The following LCP1 variants were observed in gnomAD, a reference collection of about 807,000 sequenced individuals.
LCP1 encodes lymphocyte cytosolic protein 1.
In LCP1, 23 loss-of-function variants were observed where a neutral mutation model predicts 72.0. The observed-to-expected ratio is 0.32, with a 90% CI of 0.23 to 0.45. LCP1 has a LOEUF of 0.45. LCP1 is among the 20% of genes least tolerant of loss of function. LCP1 has a pLI of 1.00. For synonymous variants in LCP1, 245 were observed against 275.4 expected, an observed-to-expected ratio of 0.89 and a Z score of 1.09; for missense variants, 571 against 748.3, an observed-to-expected ratio of 0.76 and a Z score of 2.76.
Position 46,152,286 on chromosome 13 carries a change from C to T in LCP1, c.739+494G>A, listed in dbSNP as rs79763101. On this transcript the variant is annotated intron_variant, in intron 7 of 15. Transcript: ENST00000323076. ...TACAGCACAATATTATTAACTATAGCCCTCGTGCTGTTTAGATCTCCACTT... is the reference window on the plus strand; with the variant it reads ...TACAGCACAATATTATTAACTATAGTCCTCGTGCTGTTTAGATCTCCACTT... Among the ~76,000 whole-genome samples the T allele has an allele frequency of 1.2e-3, 177 of 152,008 alleles. 4 individuals carry two copies. In the East Asian group the frequency reaches 0.032, roughly 27 times the overall value.
At chr13:46,159,445 T>G (rs1264863368) in intron 2 of LCP1, 154 bp downstream of exon 2, 3 of 615,058 alleles carry the variant, frequency 4.9e-6, no homozygotes, top group Non-Finnish European at 8.7e-6. Context: ...GAAGCATATT[T>G]TTCAAAAATA....
Position 46,134,163 on chromosome 13 carries a change from C to T in LCP1, c.1590G>A (p.Arg530=). ...IIVNWVNETL[R]EAKKSSSISS... is the part of the protein sequence containing the mutation. Reference sequence around the variant, plus strand: ...AGATGGATGAACTTTTCTTTGCTTCCCTCAATGTTTCATTCACCCAGTTGA... The same window carrying T: ...AGATGGATGAACTTTTCTTTGCTTCTCTCAATGTTTCATTCACCCAGTTGA... Residue 530 remains arginine, a synonymous_variant, in exon 14 of 16, where the codon AGG becomes AGA. Transcript: ENST00000323076. 1 of 1,613,562 alleles carries T rather than the reference C, an allele frequency of 6.2e-7. No homozygotes were observed. The highest frequency in any genetic ancestry group is 8.5e-7 in the Non-Finnish European group (1 of 1,179,618).
chr13:46,180,402 G>T (rs2045950772), intron 1 of LCP1, among the ~76,000 whole-genome samples: 1 of 152,094 alleles, frequency 6.6e-6, no homozygotes, highest in African/African-American at 2.4e-5. Context: ...TTCCCCAAAG[G>T]GTTCAGAGAT....
At chr13:46,177,883 A>AATG (rs146016724) in intron 1 of LCP1, among the ~76,000 whole-genome samples, 1 of 151,650 alleles carries the variant, frequency 6.6e-6, no homozygotes, top group Non-Finnish European at 1.5e-5. Flanking sequence ...TGGTGATGAT[A>AATG]ATGATGATGA....
chr13:46,174,620 G>T (rs962645023), intron 1 of LCP1, among the ~76,000 whole-genome samples: 2 of 152,104 alleles, frequency 1.3e-5, no homozygotes, highest in South Asian at 4.1e-4. Flanking sequence ...GAAGTAGGGG[G>T]ATCGCCTGAG....
intron 1 of LCP1, among the ~76,000 whole-genome samples, chr13:46,175,203 C>T (rs1275850002): frequency 2.6e-5 from 4 of 152,102 alleles, no homozygotes; most frequent in Admixed American, 2.6e-4. Context: ...GGCATGATGC[C>T]TAGTAAATAT....
intron 13 of LCP1, among the ~76,000 whole-genome samples, chr13:46,141,692 C>T (rs1473818585): frequency 6.6e-6 from 1 of 152,054 alleles, no homozygotes; most frequent in Non-Finnish European, 1.5e-5. Context: ...AAGCTGAAAT[C>T]ACTCATCACC....
intron 14 of LCP1, among the ~76,000 whole-genome samples, chr13:46,131,843 G>A (rs967883917): frequency 1.3e-5 from 2 of 152,064 alleles, no homozygotes; most frequent in African/African-American, 4.8e-5. Flanking sequence ...AATAGACATT[G>A]ATAAATACAA....
rs1308800502 is a variant in LCP1 at position 46,134,197 on chromosome 13, T to C, written c.1556A>G (p.Asp519Gly). ...EIGGGQKVND[D>G]IIVNWVNETL... ...TTCATTCACCCAGTTGACAATAATG[T>C]CATCATTGACCTTCTGGCCACCACC... The change falls in exon 14 of 16, where the codon GAC (aspartate) becomes GGC (glycine). Residue 519 changes from aspartate to glycine, a missense_variant. By Grantham distance (94) the Asp-to-Gly change is moderately conservative. Transcript: ENST00000323076. 1.2e-6 allele frequency: 2 copies of C among 1,612,206 alleles called. No individual in the cohort carries two copies. The highest frequency in any genetic ancestry group is 3.3e-5 in the Admixed American group (2 of 60,008).
intron 1 of LCP1, among the ~76,000 whole-genome samples, chr13:46,171,453 C>T (rs751758615): frequency 5.3e-5 from 8 of 152,154 alleles, no homozygotes; most frequent in East Asian, 1.9e-4. Flanking sequence ...AATGTGTCTT[C>T]GGTTTCTCAA....
At chr13:46,151,868 T>C (rs1346841508) in intron 7 of LCP1, among the ~76,000 whole-genome samples, 1 of 152,270 alleles carries the variant, frequency 6.6e-6, no homozygotes, top group Non-Finnish European at 1.5e-5. Context: ...TTTTGCATGA[T>C]ACTTATCAAG....
At position 46,152,959 on chromosome 13, in the gene LCP1, TG is replaced by T; in HGVS notation, c.574-15del. ...GTTCAGATTTTCCTGAGGGAGAAAA[TG>T]TATGCAAGTTTTTGTTCTATGACTT... On this transcript the variant is annotated splice_polypyrimidine_tract_variant and intron_variant, in intron 6 of 15. Transcript: ENST00000323076. The T allele has an allele frequency of 6.2e-7, 1 of 1,601,454 alleles. No individual in the cohort carries two copies.
At chr13:46,168,262 T>C (rs1018563563) in intron 1 of LCP1, among the ~76,000 whole-genome samples, 11 of 152,356 alleles carry the variant, frequency 7.2e-5, no homozygotes, top group African/African-American at 2.6e-4. Context: ...CAAAATTCTA[T>C]GCAGTAGCTG....
At chr13:46,146,191 G>T (rs1052107087) in intron 10 of LCP1, among the ~76,000 whole-genome samples, 2 of 152,164 alleles carry the variant, frequency 1.3e-5, no homozygotes, top group African/African-American at 4.8e-5. Flanking sequence ...GTTGGAGCAC[G>T]ATTATGCTGC....
intron 13 of LCP1, among the ~76,000 whole-genome samples, chr13:46,138,124 T>C (rs1001314619): frequency 2.6e-5 from 4 of 152,222 alleles, no homozygotes; most frequent in African/African-American, 9.7e-5. Flanking sequence ...TGCAAGTTTA[T>C]GCATATGCTG....
intron 14 of LCP1, 108 bp from the exon 15 acceptor site, chr13:46,131,046 C>G: frequency 1.7e-6 from 2 of 1,143,932 alleles, no homozygotes; most frequent in South Asian, 1.9e-5. Flanking sequence ...TATATACAGC[C>G]TGGTCTGGGA....
chr13:46,181,417 A>G (rs191872324), intron 1 of LCP1, among the ~76,000 whole-genome samples: 227 of 152,384 alleles, frequency 1.5e-3, no homozygotes, highest in African/African-American at 4.1e-3. Flanking sequence ...ATATTCATTG[A>G]TATGGTCATA....
intron 1 of LCP1, among the ~76,000 whole-genome samples, chr13:46,162,161 C>T (rs1593959095): frequency 6.6e-6 from 1 of 152,064 alleles, no homozygotes; most frequent in African/African-American, 2.4e-5. Context: ...CTCTCCCAGG[C>T]TGTCTACTCG....
intron 1 of LCP1, among the ~76,000 whole-genome samples, chr13:46,171,830 C>A (rs915319128): frequency 6.6e-6 from 1 of 152,270 alleles, no homozygotes; most frequent in Non-Finnish European, 1.5e-5. Flanking sequence ...TCCAATTATA[C>A]GCAATTTTCT....
Sources: allele counts gnomAD v4.1 joint callset (sites outside exome capture counted in the v4.1 genomes callset), GRCh38; gene constraint gnomAD v4.1.1; transcripts MANE v1.5; gene names NCBI Gene and HGNC (gene_info 2026-07-23, HGNC 2026-07-21).